RYR3: variants seen among roughly 807,000 people sequenced by gnomAD.
RYR3 encodes brain ryanodine receptor-calcium release channel.
A neutral mutation model predicts 584.3 loss-of-function variants in RYR3; 207 were observed. The observed-to-expected ratio is 0.35, with a 90% CI of 0.32 to 0.40. RYR3 has a LOEUF of 0.40. RYR3 is among the 10% of genes least tolerant of loss of function. RYR3 has a pLI of 1.00. For missense variants in RYR3, 5,616 were observed against 6,089.2 expected, an observed-to-expected ratio of 0.92 and a Z score of 2.59; for synonymous variants, 2,416 against 2,248.5, an observed-to-expected ratio of 1.07 and a Z score of -2.11.
chr15:33,531,647 A>T (rs201857790), intron 4 of RYR3, among the ~76,000 whole-genome samples: 3,812 of 137,638 alleles, frequency 0.028, 77 homozygotes, highest in African/African-American at 0.059. Flanking sequence ...ATATATATAT[A>T]TTTTTTTTTC....
At chr15:33,592,100 C>T (rs942466191) in intron 16 of RYR3, among the ~76,000 whole-genome samples, 1 of 152,096 alleles carries the variant, frequency 6.6e-6, no homozygotes, top group Non-Finnish European at 1.5e-5. Context: ...ACAAATGAAC[C>T]CCACAAATGG....
chr15:33,396,591 C>T (rs2042312330), intron 1 of RYR3, among the ~76,000 whole-genome samples: 1 of 152,190 alleles, frequency 6.6e-6, no homozygotes, highest in South Asian at 2.1e-4. Context: ...TGGGGTTTTG[C>T]CATTGCTTTC....
intron 1 of RYR3, among the ~76,000 whole-genome samples, chr15:33,373,499 T>C (rs1041608183): frequency 3.9e-5 from 6 of 152,202 alleles, no homozygotes; most frequent in African/African-American, 9.7e-5. Context: ...GATCAACCTA[T>C]GTTTAGAAAA....
Position 33,866,006 on chromosome 15 carries a change from C to T in RYR3, c.*780C>T, listed in dbSNP as rs1413215483. 1.3e-5 allele frequency: 2 copies of T among 152,934 alleles called. 1 individual carries two copies. The highest frequency in any genetic ancestry group is 1.3e-4 in the Admixed American group (2 of 15,322). The allele number at this position is 152,934 out of a possible 1,614,324, so 9.5% of individuals were successfully genotyped here. A position where few individuals can be genotyped will look rare whatever the true frequency, so the allele number is the denominator to read the frequency against. ...AACCTTATGCCAAAATGGAGTAATG[C>T]TTTATGGTCCCTTGTAAGTAGTGGA... On this transcript the variant is annotated 3_prime_UTR_variant, in exon 104 of 104. Transcript: ENST00000634891.
At chr15:33,376,037 C>T (rs780146569) in intron 1 of RYR3, among the ~76,000 whole-genome samples, 1 of 152,196 alleles carries the variant, frequency 6.6e-6, no homozygotes, top group Non-Finnish European at 1.5e-5. Context: ...GCACTCCAGC[C>T]TGGGGAACAG....
intron 16 of RYR3, among the ~76,000 whole-genome samples, chr15:33,594,227 C>G (rs902272306): frequency 2.6e-5 from 4 of 152,206 alleles, no homozygotes; most frequent in Non-Finnish European, 4.4e-5. Context: ...GGAAAGCACA[C>G]CATTCCAGTC....
intron 1 of RYR3, among the ~76,000 whole-genome samples, chr15:33,445,447 C>T (rs140734714): frequency 7.4e-4 from 113 of 152,204 alleles, no homozygotes; most frequent in African/African-American, 2.5e-3. Context: ...AATGCCTGTA[C>T]GCAGCCAGCC....
chr15:33,596,503 G>GA (rs891610806), intron 16 of RYR3, among the ~76,000 whole-genome samples: 1 of 145,368 alleles, frequency 6.9e-6, no homozygotes, highest in African/African-American at 2.6e-5. Flanking sequence ...TTTGGGGGGG[G>GA]GGGATTTCTG....
chr15:33,585,193 A>G (rs533720292), intron 15 of RYR3, among the ~76,000 whole-genome samples: 148 of 152,326 alleles, frequency 9.7e-4, no homozygotes, highest in African/African-American at 3.4e-3. Context: ...GGTTCCCCCA[A>G]GGATCATCCA....
intron 57 of RYR3, among the ~76,000 whole-genome samples, chr15:33,754,560 T>C (rs113735350): frequency 6.6e-6 from 1 of 152,180 alleles, no homozygotes; most frequent in African/African-American, 2.4e-5. Flanking sequence ...AGTCTCCCAG[T>C]GAGACCAACC....
chr15:33,564,180 G>C (rs1305098399), intron 11 of RYR3, among the ~76,000 whole-genome samples: 3 of 152,176 alleles, frequency 2.0e-5, no homozygotes, highest in African/African-American at 7.2e-5. Context: ...GTTCAGCCAG[G>C]GCTTCTGGGA....
chr15:33,704,335 T>A (rs1255347221), intron 42 of RYR3, among the ~76,000 whole-genome samples: 1 of 151,042 alleles, frequency 6.6e-6, no homozygotes, highest in African/African-American at 2.4e-5. Context: ...CCAGTCAATA[T>A]AACTTACGGT....
At chr15:33,504,509 G>A (rs747986153) in intron 3 of RYR3, among the ~76,000 whole-genome samples, 4 of 151,980 alleles carry the variant, frequency 2.6e-5, no homozygotes, top group East Asian at 1.9e-4. Context: ...TTTTGGTTAC[G>A]GCAACAGCCT....
At chr15:33,490,062 T>C (rs1186626613) in intron 2 of RYR3, among the ~76,000 whole-genome samples, 1 of 152,250 alleles carries the variant, frequency 6.6e-6, no homozygotes, top group Non-Finnish European at 1.5e-5. Context: ...ATAGTTGATT[T>C]TTAAATAATT....
intron 1 of RYR3, among the ~76,000 whole-genome samples, chr15:33,438,232 G>A (rs912577447): frequency 6.6e-6 from 1 of 152,016 alleles, no homozygotes; most frequent in Non-Finnish European, 1.5e-5. Flanking sequence ...TCACCATGAT[G>A]TACGGTGGAT....
chr15:33,851,322 C>G (rs2079097119), intron 94 of RYR3: 1 of 151,760 alleles, frequency 6.6e-6, no homozygotes, highest in African/African-American at 2.4e-5. Context: ...CCAAACAGTA[C>G]TATATTCGAG....
At chr15:33,495,441 T>C (rs934738620) in intron 2 of RYR3, among the ~76,000 whole-genome samples, 1 of 152,216 alleles carries the variant, frequency 6.6e-6, no homozygotes, top group Non-Finnish European at 1.5e-5. Context: ...CTTTCTCACC[T>C]GCAAAATGGC....
Position 33,413,464 on chromosome 15 carries a change from G to A in RYR3, c.52-59955G>A, listed in dbSNP as rs528061609. Among the ~76,000 whole-genome samples the A allele has an allele frequency of 2.0e-4, 30 of 152,364 alleles. No individual in the cohort carries two copies. The South Asian group carries it at 3.3e-3, about 17-fold the overall frequency. On this transcript the variant is annotated intron_variant, in intron 1 of 103. Transcript: ENST00000634891. ...ACAAGACAGTCCAGTCATTGCCACT[G>A]AGAGCTCCCTGTGTGCTTCCTCAGA...
At chr15:33,316,107 G>A (rs187678967) in intron 1 of RYR3, among the ~76,000 whole-genome samples, 1 of 151,580 alleles carries the variant, frequency 6.6e-6, no homozygotes, top group East Asian at 1.9e-4. Flanking sequence ...TTGATCTGAG[G>A]GCAAAAAAAA....
Sources: gnomAD v4.1 joint callset for allele counts (sites outside exome capture counted in the v4.1 genomes callset) on GRCh38, gnomAD v4.1.1 for gene constraint, MANE v1.5 for transcripts, NCBI Gene and HGNC (gene_info 2026-07-23, HGNC 2026-07-21) for gene names.